The following CTNND2 variants were observed in gnomAD, a reference collection of about 807,000 sequenced individuals.
CTNND2 encodes catenin delta 2.
Under a neutral mutation model 144.4 loss-of-function variants are expected in CTNND2, and 22 were observed. That is an observed-to-expected ratio of 0.15 (90% CI 0.11 to 0.22). The LOEUF (loss-of-function observed/expected upper bound fraction) is 0.22. Among genes scored for constraint, CTNND2 ranks in the 10% least tolerant of loss-of-function variants. The pLI is 1.00. For synonymous variants in CTNND2, 751 were observed against 695.6 expected (o/e 1.08, Z -1.25); for missense variants, 1,353 against 1,618.8 (o/e 0.84, Z 2.82).
At chr5:11,416,623 A>G (rs1361824038) in intron 3 of CTNND2, among the ~76,000 whole-genome samples, 1 of 152,206 alleles carries the variant, frequency 6.6e-6, no homozygotes, top group Non-Finnish European at 1.5e-5. Flanking sequence ...CAAACTATTT[A>G]TTTATTCAAT....
At chr5:11,804,605 A>C (rs1791890635) in intron 1 of CTNND2, among the ~76,000 whole-genome samples, 1 of 152,226 alleles carries the variant, frequency 6.6e-6, no homozygotes, top group Admixed American at 6.5e-5. Flanking sequence ...AAAAGGGTAC[A>C]TACCGAATGA....
chr5:11,656,863 A>G (rs1449493599), intron 2 of CTNND2, among the ~76,000 whole-genome samples: 1 of 152,048 alleles, frequency 6.6e-6, no homozygotes, highest in Non-Finnish European at 1.5e-5. Context: ...TCTTACAATC[A>G]CTTTCGGCCA....
At chr5:11,891,101 A>C (rs997483243) in intron 1 of CTNND2, among the ~76,000 whole-genome samples, 2 of 152,210 alleles carry the variant, frequency 1.3e-5, no homozygotes, top group Non-Finnish European at 2.9e-5. Flanking sequence ...TGGGAGGTTC[A>C]ACCAAGATGA....
chr5:11,272,751 AG>A (rs1205615545), intron 9 of CTNND2, among the ~76,000 whole-genome samples: 1 of 152,172 alleles, frequency 6.6e-6, no homozygotes, highest in Non-Finnish European at 1.5e-5. Context: ...CAAGGGGCAA[AG>A]GGCGACTTTA....
At chr5:11,454,390 G>A (rs920130808) in intron 3 of CTNND2, among the ~76,000 whole-genome samples, 6 of 151,710 alleles carry the variant, frequency 4.0e-5, no homozygotes, top group Admixed American at 1.3e-4. Flanking sequence ...ACCGCACTTC[G>A]GCCTGGTGAC....
At chr5:11,444,092 G>C (rs1219275770) in intron 3 of CTNND2, among the ~76,000 whole-genome samples, 1 of 152,098 alleles carries the variant, frequency 6.6e-6, no homozygotes, top group African/African-American at 2.4e-5. Context: ...GGGCTACCTC[G>C]GCATTGACTT....
At chr5:11,414,522 G>A (rs531102028) in intron 3 of CTNND2, among the ~76,000 whole-genome samples, 1 of 152,294 alleles carries the variant, frequency 6.6e-6, no homozygotes, top group Non-Finnish European at 1.5e-5. Flanking sequence ...ATTTAGTAAT[G>A]TTGAAAAACT....
At chr5:11,826,454 G>A (rs1041024152) in intron 1 of CTNND2, among the ~76,000 whole-genome samples, 1 of 151,816 alleles carries the variant, frequency 6.6e-6, no homozygotes, top group Non-Finnish European at 1.5e-5. Context: ...AGAAACAGAT[G>A]GGGAAAATAT....
intron 2 of CTNND2, among the ~76,000 whole-genome samples, chr5:11,725,308 G>T (rs1561735339): frequency 6.6e-6 from 1 of 152,190 alleles, no homozygotes; most frequent in Non-Finnish European, 1.5e-5. Context: ...TTTCTCTACA[G>T]ATACAATTAA....
chr5:11,214,259 C>T (rs1229062917), intron 10 of CTNND2, among the ~76,000 whole-genome samples: 1 of 152,176 alleles, frequency 6.6e-6, no homozygotes, highest in African/African-American at 2.4e-5. Context: ...ATCTTTCATG[C>T]ATGAAATGTC....
Position 11,385,032 on chromosome 5 carries a change from G to T in CTNND2, c.810C>A (p.Ala270=). Reference sequence around the variant, plus strand: ...TGGTGGGCGAACCGCCCTGGGGCGCGGCCAGCGGGGAGCCCCCGCGCGGCG... The same window carrying T: ...TGGTGGGCGAACCGCCCTGGGGCGCTGCCAGCGGGGAGCCCCCGCGCGGCG... The part of the protein sequence containing the change: ...PAPPRGGSPL[A]APQGGSPTKL... The change falls in exon 7 of 22, where the codon GCC becomes GCA. Residue 270 remains alanine, a synonymous_variant. Coordinates refer to ENST00000304623, the MANE Select transcript of CTNND2 (RefSeq NM_001332.4). The T allele has an allele frequency of 8.3e-7, 1 of 1,200,810 alleles. No individual in the cohort carries two copies. Among genetic ancestry groups the T allele is most frequent in the East Asian group, 3.6e-5 (1 of 27,700 alleles). 74.4% of individuals were successfully genotyped at this position (1,200,810 alleles called of 1,614,324 possible).
intron 3 of CTNND2, among the ~76,000 whole-genome samples, chr5:11,509,385 T>C (rs1348606002): frequency 1.3e-5 from 2 of 152,180 alleles, no homozygotes; most frequent in African/African-American, 4.8e-5. Context: ...AGCCATCCCA[T>C]AGGATGTTTT....
chr5:11,499,357 C>A (rs1341063071), intron 3 of CTNND2, among the ~76,000 whole-genome samples: 1 of 152,196 alleles, frequency 6.6e-6, no homozygotes, highest in Non-Finnish European at 1.5e-5. Flanking sequence ...CATTGCCCTA[C>A]AGGCTTAGTG....
intron 1 of CTNND2, among the ~76,000 whole-genome samples, chr5:11,754,654 T>A (rs917400293): frequency 6.6e-6 from 1 of 151,910 alleles, no homozygotes; most frequent in African/African-American, 2.4e-5. Context: ...TGGGTGCATA[T>A]ACATACAGGA....
chr5:11,337,008 G>A (rs1347408335), intron 9 of CTNND2, among the ~76,000 whole-genome samples: 4 of 152,108 alleles, frequency 2.6e-5, no homozygotes, highest in East Asian at 1.9e-4. Context: ...GTTCCACAAC[G>A]TGGGAACCAA....
At chr5:11,423,898 GCTT>G (rs1762564342) in intron 3 of CTNND2, among the ~76,000 whole-genome samples, 1 of 150,914 alleles carries the variant, frequency 6.6e-6, no homozygotes, top group African/African-American at 2.4e-5. Flanking sequence ...TTTTTTTTTT[GCTT>G]TTTTTGAGGA....
At chr5:11,111,332 C>G (rs1201521087) in intron 13 of CTNND2, among the ~76,000 whole-genome samples, 1 of 152,202 alleles carries the variant, frequency 6.6e-6, no homozygotes, top group Non-Finnish European at 1.5e-5. Context: ...GAAGAATGTA[C>G]AACCACGAGA....
intron 9 of CTNND2, among the ~76,000 whole-genome samples, chr5:11,269,336 C>T: frequency 6.6e-6 from 1 of 152,120 alleles, no homozygotes; most frequent in East Asian, 1.9e-4. Context: ...ACTTTGGGGC[C>T]CTTGATCTGC....
chr5:11,128,989 AATATATAATATATAAATATATATT>A (rs1561351353), intron 12 of CTNND2, among the ~76,000 whole-genome samples: 1 of 26,504 alleles, frequency 3.8e-5, no homozygotes, highest in Non-Finnish European at 8.7e-5. Flanking sequence ...AAATATATAT[AATATATAATATATAAATATATATT>A]ATATATAAAT....
Sources: gnomAD v4.1 joint callset for allele counts (sites outside exome capture counted in the v4.1 genomes callset) on GRCh38, gnomAD v4.1.1 for gene constraint, MANE v1.5 for transcripts, NCBI Gene and HGNC (gene_info 2026-07-23, HGNC 2026-07-21) for gene names.